The following EVA1A variants were observed in gnomAD, a reference collection of about 807,000 sequenced individuals.
EVA1A encodes the protein protein eva-1 homolog A.
A neutral mutation model predicts 9.8 loss-of-function variants in EVA1A; 7 were observed. The ratio of observed to expected loss-of-function variants is 0.71; its 90% CI spans 0.41 to 1.34. The LOEUF is 1.34. Among genes scored for constraint, EVA1A ranks in the 40% most tolerant of loss-of-function variants. The pLI, the probability that EVA1A is intolerant of heterozygous loss-of-function variation, is 0.01. For missense variants in EVA1A, 206 were observed against 205.9 expected, an observed-to-expected ratio of 1.00 and a Z score of 0.00; for synonymous variants, 90 against 85.6, an observed-to-expected ratio of 1.05 and a Z score of -0.28.
chr2:75,529,493 T>C (rs768272317), intron 1 of EVA1A, among the ~76,000 whole-genome samples: 3 of 152,196 alleles, frequency 2.0e-5, no homozygotes, highest in South Asian at 4.1e-4. Flanking sequence ...GACCATATGA[T>C]AGACCACAAA....
intron 1 of EVA1A, among the ~76,000 whole-genome samples, chr2:75,539,591 A>G (rs1169911881): frequency 6.6e-6 from 1 of 152,208 alleles, no homozygotes; most frequent in African/African-American, 2.4e-5. Flanking sequence ...TGGTGAAGAT[A>G]GAAATATAGG....
chr2:75,558,361 G>C (rs569891551), intron 1 of EVA1A: 1 of 152,144 alleles, frequency 6.6e-6, no homozygotes, highest in African/African-American at 2.4e-5. Flanking sequence ...GTTAATAAGC[G>C]GCAGAACTGA....
chr2:75,497,994 A>T (rs1348301163), intron 3 of EVA1A, among the ~76,000 whole-genome samples: 1 of 152,172 alleles, frequency 6.6e-6, no homozygotes, highest in Non-Finnish European at 1.5e-5. Flanking sequence ...AAAGGAAAAT[A>T]AATCTTTCTA....
intron 1 of EVA1A, among the ~76,000 whole-genome samples, chr2:75,523,778 C>A (rs1675316198): frequency 6.6e-6 from 1 of 152,196 alleles, no homozygotes; most frequent in Non-Finnish European, 1.5e-5. Context: ...ACAATAAGTG[C>A]ATAGAGCTAA....
At chr2:75,521,032 A>G (rs1456312456) in intron 2 of EVA1A, among the ~76,000 whole-genome samples, 5 of 152,320 alleles carry the variant, frequency 3.3e-5, no homozygotes, top group Middle Eastern at 3.4e-3. Context: ...AAAGAGCTCA[A>G]TTTAAAAATG....
Position 75,493,588 on chromosome 2 carries a change from AGAGCTGCTCG to A in EVA1A, c.97_106del (p.Arg33CysfsTer13), listed in dbSNP as rs769660366. 1 of 1,597,008 alleles carries A rather than the reference AGAGCTGCTCG, an allele frequency of 6.3e-7. No homozygotes were observed. Among genetic ancestry groups the A allele is most frequent in the South Asian group, 1.1e-5 (1 of 88,808 alleles). On this transcript the variant is annotated frameshift_variant, in exon 4 of 4. Transcript: ENST00000393913. LOFTEE classifies it high-confidence loss of function. The stretch of plus-strand genomic sequence containing the variant: ...GATGCACACGCCAGAAACAAAGTAC[AGAGCTGCTCG>A]CTCAGGATTTTCTGGAGGAAGAAGA...
chr2:75,499,017 T>C (rs188267768), intron 3 of EVA1A, among the ~76,000 whole-genome samples: 7 of 152,338 alleles, frequency 4.6e-5, no homozygotes, highest in Non-Finnish European at 1.5e-5. Flanking sequence ...ATAATTAACA[T>C]GCACAATGTG....
intron 3 of EVA1A, among the ~76,000 whole-genome samples, chr2:75,517,608 T>C (rs1675059900): frequency 6.6e-6 from 1 of 152,092 alleles, no homozygotes; most frequent in African/African-American, 2.4e-5. Context: ...TACAGCTTCG[T>C]CAAATACCTC....
At chr2:75,522,063 T>C (rs1403828756) in intron 2 of EVA1A, among the ~76,000 whole-genome samples, 1 of 152,162 alleles carries the variant, frequency 6.6e-6, no homozygotes, top group Non-Finnish European at 1.5e-5. Context: ...TTTTTAAAAA[T>C]TGGATTGTAA....
chr2:75,527,056 A>C (rs947105517), intron 1 of EVA1A, among the ~76,000 whole-genome samples: 2 of 152,212 alleles, frequency 1.3e-5, no homozygotes, highest in Admixed American at 6.5e-5. Flanking sequence ...ACTCCCAACA[A>C]ATGCCTGCTC....
rs766463392 is a variant in EVA1A at position 75,555,305 on chromosome 2, C to CTA, written c.-192+5374_-192+5375insTA. On this transcript the variant is annotated intron_variant, in intron 1 of 3. Coordinates refer to ENST00000393913, the MANE Select transcript of EVA1A (RefSeq NM_001135032.2). ...AGACTTTAGCATCAAAACTCAATCT[C>CTA]TCTCTCTCTCTCTCTCTCTCTCTCT... 6.7e-4 allele frequency among the ~76,000 whole-genome samples: 79 copies of CTA among 117,948 alleles called. No individual in the cohort carries two copies. In the South Asian group the frequency reaches 7.3e-3, roughly 11 times the overall value. 77.4% of individuals were successfully genotyped at this position (117,948 alleles called of 152,430 possible).
chr2:75,502,616 G>A (rs968406004), intron 3 of EVA1A, among the ~76,000 whole-genome samples: 4 of 152,166 alleles, frequency 2.6e-5, no homozygotes, highest in African/African-American at 7.2e-5. Context: ...AAGGCAAGAA[G>A]GAAAAGAGGG....
At chr2:75,526,792 G>C (rs1478843882) in intron 1 of EVA1A, among the ~76,000 whole-genome samples, 1 of 152,236 alleles carries the variant, frequency 6.6e-6, no homozygotes, top group Non-Finnish European at 1.5e-5. Context: ...GTGCCTTACA[G>C]AGGTTGAGCT....
intron 3 of EVA1A, among the ~76,000 whole-genome samples, chr2:75,494,134 G>T (rs1046741531): frequency 6.6e-6 from 1 of 152,034 alleles, no homozygotes; most frequent in Non-Finnish European, 1.5e-5. Flanking sequence ...AAGAAATACA[G>T]TTGACCCTTG....
intron 1 of EVA1A, among the ~76,000 whole-genome samples, chr2:75,527,293 A>C (rs2110491): frequency 0.97 from 147,907 of 152,278 alleles, 71,875 homozygotes; most frequent in East Asian, 1. Context: ...CAGAGAAGGC[A>C]CAAGGGGAGA....
chr2:75,568,748 A>G (rs1239409322), intron 1 of EVA1A, among the ~76,000 whole-genome samples: 1 of 152,246 alleles, frequency 6.6e-6, no homozygotes, highest in East Asian at 1.9e-4. Flanking sequence ...ACTTAGAATA[A>G]TGGCCTCCAG....
intron 3 of EVA1A, among the ~76,000 whole-genome samples, chr2:75,510,457 C>T (rs1361160906): frequency 6.6e-6 from 1 of 152,146 alleles, no homozygotes; most frequent in Non-Finnish European, 1.5e-5. Flanking sequence ...AATACCTTCT[C>T]AAATGCCCAA....
At chr2:75,547,316 C>A (rs910861883) in intron 1 of EVA1A, among the ~76,000 whole-genome samples, 2 of 152,188 alleles carry the variant, frequency 1.3e-5, no homozygotes, top group Non-Finnish European at 2.9e-5. Context: ...AGGAATGGTA[C>A]AGGCTTTGAC....
chr2:75,505,761 C>A (rs571722214), intron 3 of EVA1A, among the ~76,000 whole-genome samples: 2 of 151,816 alleles, frequency 1.3e-5, no homozygotes, highest in Non-Finnish European at 1.5e-5. Context: ...TTGCAGTGAG[C>A]CGAGATCGTG....
Sources: gnomAD v4.1 joint callset for allele counts (sites outside exome capture counted in the v4.1 genomes callset) on GRCh38, gnomAD v4.1.1 for gene constraint, MANE v1.5 for transcripts, NCBI Gene and HGNC (gene_info 2026-07-23, HGNC 2026-07-21) for gene names.